NAA35: variants seen among roughly 807,000 people sequenced by gnomAD.
NAA35 encodes MAK10 homolog, amino-acid N-acetyltransferase subunit.
A neutral mutation model predicts 101.7 loss-of-function variants in NAA35; 18 were observed. That is an observed-to-expected ratio of 0.18 (90% CI 0.12 to 0.26). The LOEUF (loss-of-function observed/expected upper bound fraction) is 0.26, where lower values mean the gene tolerates loss of function less well. Among genes scored for constraint, NAA35 ranks in the 10% least tolerant of loss-of-function variants. The probability of loss-of-function intolerance (pLI) is 1.00; values close to 1 mark genes in which losing one functional copy is unlikely to be tolerated. For synonymous variants in NAA35, 267 were observed against 273.1 expected (o/e 0.98, Z 0.22); for missense variants, 601 against 886.8 (o/e 0.68, Z 4.09).
intron 5 of NAA35, 89 bp downstream of exon 5, chr9:85,959,956 T>A: frequency 1.1e-6 from 1 of 928,482 alleles, no homozygotes. Context: ...TAATGTTGAG[T>A]ATGAAATAAA....
chr9:85,942,121 C>T (rs1413063401), intron 1 of NAA35, 34 bp from the exon 2 acceptor site: 1 of 1,597,392 alleles, frequency 6.3e-7, no homozygotes, highest in Non-Finnish European at 8.5e-7. Context: ...CTGAAAGCTA[C>T]ATCCTCTCTC....
chr9:85,970,561 A>G (rs1564297620), intron 6 of NAA35, among the ~76,000 whole-genome samples: 1 of 152,222 alleles, frequency 6.6e-6, no homozygotes, highest in Non-Finnish European at 1.5e-5. Context: ...TAGGAAGGAC[A>G]CATCATCATT....
chr9:85,959,678 C>A, intron 4 of NAA35, 115 bp from the exon 5 acceptor site: 1 of 639,566 alleles, frequency 1.6e-6, no homozygotes, highest in South Asian at 2.2e-5. Flanking sequence ...ATAGCATTTT[C>A]TTAGAATTGC....
intron 2 of NAA35, among the ~76,000 whole-genome samples, chr9:85,946,982 C>G (rs1461680194): frequency 6.6e-6 from 1 of 152,132 alleles, no homozygotes; most frequent in Non-Finnish European, 1.5e-5. Flanking sequence ...TTCTCTCACC[C>G]AGAACATTTG....
chr9:86,003,513 C>G, intron 12 of NAA35, 72 bp from the exon 13 acceptor site: 2 of 769,436 alleles, frequency 2.6e-6, no homozygotes, highest in East Asian at 5.6e-5. Context: ...GTAAAAATTA[C>G]AGTCTGATGA....
chr9:85,988,792 G>T (rs1432563064), intron 11 of NAA35, among the ~76,000 whole-genome samples: 2 of 148,820 alleles, frequency 1.3e-5, no homozygotes, highest in African/African-American at 5.0e-5. Context: ...GTGAAACTCC[G>T]TCTCGAAAAA....
At chr9:85,952,628 G>T (rs1829073438) in intron 2 of NAA35, among the ~76,000 whole-genome samples, 2 of 151,858 alleles carry the variant, frequency 1.3e-5, no homozygotes, top group Non-Finnish European at 2.9e-5. Context: ...TCTTTGATAT[G>T]CAGCAGAAGT....
chr9:85,941,150 G>A lies in NAA35; in HGVS notation c.-129G>A. ...GCGGGGTCGCGCGTCCCGGGCATAC[G>A]CATGCGTGCACGCTGCCGGTCGGGC... is the stretch of plus-strand genomic sequence containing the variant. On this transcript the variant is annotated 5_prime_UTR_variant, in exon 1 of 23. Coordinates refer to ENST00000361671, the MANE Select transcript of NAA35 (RefSeq NM_024635.4). The A allele has an allele frequency of 3.0e-6, 3 of 986,006 alleles. No individual in the cohort carries two copies. The highest frequency in any genetic ancestry group is 3.6e-6 in the Non-Finnish European group (3 of 830,274). The allele number at this position is 986,006 out of a possible 1,614,324, so 61.1% of individuals were successfully genotyped here. A position where few individuals can be genotyped will look rare whatever the true frequency, so the allele number is the denominator to read the frequency against.
In NAA35 at chr9:85,976,596, A is replaced by G. The variant is rs764276691; in HGVS notation, c.628-89A>G. Reference sequence around the variant, plus strand: ...TTTCCCCAAAAACAGATTCTTGTGTATACTTAAAAAATCAGTGTTTTTCCT... The same window carrying G: ...TTTCCCCAAAAACAGATTCTTGTGTGTACTTAAAAAATCAGTGTTTTTCCT... On this transcript the variant is annotated intron_variant, in intron 8 of 22. Transcript: ENST00000361671. The G allele has an allele frequency of 8.3e-6, 8 of 960,842 alleles. No individual in the cohort carries two copies. In the East Asian group the frequency reaches 1.6e-4, roughly 19 times the overall value. 59.5% of individuals were successfully genotyped at this position (960,842 alleles called of 1,614,324 possible).
chr9:85,941,995 T>C, intron 1 of NAA35, 160 bp from the exon 2 acceptor site: 1 of 1,277,482 alleles, frequency 7.8e-7, no homozygotes, highest in Non-Finnish European at 1.0e-6. Flanking sequence ...TTTGATTGCA[T>C]TAAGGTTATT....
intron 20 of NAA35, 146 bp downstream of exon 20, chr9:86,018,541 T>A: frequency 7.6e-7 from 1 of 1,318,142 alleles, no homozygotes; most frequent in South Asian, 1.5e-5. Context: ...TTGAGAATTA[T>A]ATATTACCTA....
intron 11 of NAA35, among the ~76,000 whole-genome samples, chr9:85,994,620 A>AGT: frequency 6.6e-6 from 1 of 152,204 alleles, no homozygotes; most frequent in East Asian, 1.9e-4. Context: ...TAAATAATAT[A>AGT]GTGTCTCTCT....
At chr9:85,950,745 C>A (rs138269243) in intron 2 of NAA35, among the ~76,000 whole-genome samples, 254 of 152,074 alleles carry the variant, frequency 1.7e-3, no homozygotes, top group African/African-American at 5.8e-3. Flanking sequence ...GTCTTAGGAC[C>A]CCATTATACT....
chr9:85,951,954 C>T (rs904102099), intron 2 of NAA35, among the ~76,000 whole-genome samples: 1 of 152,170 alleles, frequency 6.6e-6, no homozygotes, highest in Non-Finnish European at 1.5e-5. Context: ...TGAGCCACTG[C>T]GCCTGGCTAG....
chr9:86,017,026 C>T (rs1215431785), intron 18 of NAA35, among the ~76,000 whole-genome samples: 3 of 152,186 alleles, frequency 2.0e-5, no homozygotes, highest in East Asian at 1.9e-4. Flanking sequence ...GCTGTGGTAG[C>T]GGGCACCGAA....
chr9:85,942,464 A>G (rs1828566642), intron 2 of NAA35, among the ~76,000 whole-genome samples, 181 bp downstream of exon 2: 1 of 152,260 alleles, frequency 6.6e-6, no homozygotes, highest in African/African-American at 2.4e-5. Flanking sequence ...TTGATACAGC[A>G]TTAAATACAG....
chr9:85,979,662 T>C (rs1194410209), intron 11 of NAA35, among the ~76,000 whole-genome samples: 1 of 152,212 alleles, frequency 6.6e-6, no homozygotes, highest in Non-Finnish European at 1.5e-5. Flanking sequence ...CACAGTCTAC[T>C]CTGAACACCA....
At chr9:85,974,854 CTT>C (rs752345468) in intron 6 of NAA35, 111 bp from the exon 7 acceptor site, 10 of 742,850 alleles carry the variant, frequency 1.3e-5, no homozygotes, top group Non-Finnish European at 2.2e-5. Flanking sequence ...TCCCATTTCT[CTT>C]TGTTTATTAA....
At chr9:85,999,299 A>G (rs1300729135) in intron 12 of NAA35, among the ~76,000 whole-genome samples, 1 of 152,158 alleles carries the variant, frequency 6.6e-6, no homozygotes. Context: ...TGCCACATTG[A>G]CTTTTTTGAT....
Sources: gnomAD v4.1 joint callset for allele counts (sites outside exome capture counted in the v4.1 genomes callset) on GRCh38, gnomAD v4.1.1 for gene constraint, MANE v1.5 for transcripts, NCBI Gene and HGNC (gene_info 2026-07-23, HGNC 2026-07-21) for gene names.